WDR27: variants seen among roughly 807,000 people sequenced by gnomAD.
WDR27 encodes the protein WD repeat-containing protein 27.
A neutral mutation model predicts 114.4 loss-of-function variants in WDR27; 100 were observed. That is an observed-to-expected ratio of 0.87 (90% confidence interval 0.74 to 1.03). The LOEUF (loss-of-function observed/expected upper bound fraction) is 1.03, where lower values mean the gene tolerates loss of function less well. WDR27 is among the 50% of genes least tolerant of loss of function. The pLI, the probability that WDR27 is intolerant of heterozygous loss-of-function variation, is 0.00. For missense variants in WDR27, 1,129 were observed against 1,092.9 expected, an observed-to-expected ratio of 1.03 and a Z score of -0.47; for synonymous variants, 449 against 423.1, an observed-to-expected ratio of 1.06 and a Z score of -0.75.
At chr6:169,551,859 G>A (rs1400546997) in intron 25 of WDR27, among the ~76,000 whole-genome samples, 5 of 152,004 alleles carry the variant, frequency 3.3e-5, no homozygotes, top group Admixed American at 6.6e-5. Context: ...ACGCAACTCC[G>A]CTGCTGCTAT....
chr6:169,558,243 T>C (rs1799183058), intron 25 of WDR27: 2 of 152,178 alleles, frequency 1.3e-5, no homozygotes, highest in African/African-American at 4.8e-5. Context: ...TATTTGAATT[T>C]AGCCTCTTCT....
intron 25 of WDR27, among the ~76,000 whole-genome samples, chr6:169,569,986 C>T (rs1205578159): frequency 1.3e-5 from 2 of 152,200 alleles, no homozygotes; most frequent in African/African-American, 4.8e-5. Flanking sequence ...TTTTACTGGA[C>T]TTAGCCCTCT....
intron 23 of WDR27, among the ~76,000 whole-genome samples, chr6:169,585,704 A>G (rs1337362467): frequency 6.6e-6 from 1 of 152,198 alleles, no homozygotes; most frequent in African/African-American, 2.4e-5. Context: ...AAATATATTC[A>G]CTATTCACTG....
chr6:169,693,285 G>T (rs996276580), intron 1 of WDR27, among the ~76,000 whole-genome samples: 5 of 152,170 alleles, frequency 3.3e-5, no homozygotes, highest in Non-Finnish European at 7.3e-5. Context: ...TTAGACAAAT[G>T]CTGAGAGAAT....
At chr6:169,427,305 C>T in the WDR27 span, among the ~76,000 whole-genome samples, 1 of 152,114 alleles carries the variant, frequency 6.6e-6, no homozygotes, top group South Asian at 2.1e-4. Flanking sequence ...AGAGTCAAGT[C>T]CCTGGGATTT....
intron 22 of WDR27, among the ~76,000 whole-genome samples, chr6:169,603,593 C>T (rs1484117075): frequency 1.3e-5 from 2 of 152,170 alleles, no homozygotes; most frequent in Non-Finnish European, 2.9e-5. Flanking sequence ...GCTATGTCTA[C>T]CCCAGAATAC....
intron 24 of WDR27, among the ~76,000 whole-genome samples, chr6:169,574,704 C>A (rs1239255114): frequency 6.6e-6 from 1 of 152,162 alleles, no homozygotes; most frequent in Non-Finnish European, 1.5e-5. Context: ...TGGGGGCCGG[C>A]GCCCTGTCCC....
chr6:169,474,063 T>C (rs1453400553), intron 25 of WDR27, among the ~76,000 whole-genome samples: 2 of 152,234 alleles, frequency 1.3e-5, no homozygotes, highest in South Asian at 2.1e-4. Context: ...AACAAATCCT[T>C]TCCTAAAATA....
intron 2 of WDR27, among the ~76,000 whole-genome samples, chr6:169,685,659 A>G (rs560700159): frequency 6.6e-6 from 1 of 152,336 alleles, no homozygotes; most frequent in Non-Finnish European, 1.5e-5. Context: ...CTTTTGAAAT[A>G]ATACCAGCAG....
At chr6:169,498,538 G>A (rs958766987) in intron 25 of WDR27, among the ~76,000 whole-genome samples, 8 of 152,130 alleles carry the variant, frequency 5.3e-5, no homozygotes, top group African/African-American at 1.9e-4. Context: ...AGCAAAATAG[G>A]AGAAAATCTT....
At chr6:169,477,339 TCTCA>T (rs764209426) in intron 25 of WDR27, among the ~76,000 whole-genome samples, 1 of 152,364 alleles carries the variant, frequency 6.6e-6, no homozygotes, top group South Asian at 2.1e-4. Flanking sequence ...CGTACCCCAT[TCTCA>T]CTGTTAAAAC....
chr6:169,685,969 T>C (rs1037070956), intron 2 of WDR27, among the ~76,000 whole-genome samples: 1 of 152,160 alleles, frequency 6.6e-6, no homozygotes, highest in African/African-American at 2.4e-5. Flanking sequence ...AAGTCACATA[T>C]AAGGGAATCT....
At position 169,636,654 on chromosome 6, in the gene WDR27, G is replaced by A. The variant is rs562979270; in HGVS notation, c.1870-150C>T. 64 of 682,728 alleles carry A rather than the reference G, an allele frequency of 9.4e-5. No individual in the cohort carries two copies. In the African/African-American group the frequency reaches 1.1e-3, roughly 12 times the overall value. The allele number at this position is 682,728 out of a possible 1,614,324, so 42.3% of individuals were successfully genotyped here. ...TTGTTAGACCCAATCTACAATTTTT[G>A]TTTCTGCCTACTACTTCTGAAAGGT... On this transcript the variant is annotated intron_variant, in intron 18 of 25. Transcript: ENST00000448612.
intron 17 of WDR27, among the ~76,000 whole-genome samples, chr6:169,639,098 G>A (rs1431428983): frequency 6.6e-6 from 1 of 150,906 alleles, no homozygotes; most frequent in Admixed American, 6.6e-5. Flanking sequence ...CGGCCAGGCA[G>A]TGTGGAGCGT....
At chr6:169,481,454 C>T (rs966393423) in intron 25 of WDR27, among the ~76,000 whole-genome samples, 1 of 152,210 alleles carries the variant, frequency 6.6e-6, no homozygotes, top group Non-Finnish European at 1.5e-5. Flanking sequence ...TGCTCGGGTT[C>T]CCTTCCACGC....
chr6:169,470,264 G>A (rs929125997), intron 25 of WDR27, among the ~76,000 whole-genome samples: 6 of 152,256 alleles, frequency 3.9e-5, no homozygotes, highest in Admixed American at 6.5e-5. Context: ...GAAGATAGAA[G>A]CTTTCTCTCC....
chr6:169,665,634 A>C (rs1827645148), intron 6 of WDR27, 78 bp from the exon 7 acceptor site: 1 of 1,309,166 alleles, frequency 7.6e-7, no homozygotes, highest in Non-Finnish European at 1.1e-6. Context: ...AGTTTTACTT[A>C]TCTCTTTACA....
At chr6:169,561,549 A>G (rs1183685812) in intron 25 of WDR27, among the ~76,000 whole-genome samples, 1 of 152,220 alleles carries the variant, frequency 6.6e-6, no homozygotes, top group Non-Finnish European at 1.5e-5. Flanking sequence ...GAAACCTCAA[A>G]TTAACTAAAC....
At chr6:169,627,330 A>G (rs1387047416) in intron 21 of WDR27, among the ~76,000 whole-genome samples, 1 of 152,186 alleles carries the variant, frequency 6.6e-6, no homozygotes, top group Non-Finnish European at 1.5e-5. Flanking sequence ...CTCCAAGTCA[A>G]TGCCTTTTTA....
Sources: gnomAD v4.1 joint callset for allele counts (sites outside exome capture counted in the v4.1 genomes callset) on GRCh38, gnomAD v4.1.1 for gene constraint, MANE v1.5 for transcripts, NCBI Gene and HGNC (gene_info 2026-07-23, HGNC 2026-07-21) for gene names.